ANKRD31: variants seen among roughly 807,000 people sequenced by gnomAD.
ANKRD31 encodes the protein ankyrin repeat domain-containing protein 31.
ANKRD31 carries 147 observed loss-of-function variants against 186.0 expected under a neutral mutation model. The ratio of observed to expected loss-of-function variants is 0.79; its 90% CI spans 0.69 to 0.91. The LOEUF is 0.91. Among genes scored for constraint, ANKRD31 ranks in the 40% least tolerant of loss-of-function variants. The pLI is 0.00. For synonymous variants in ANKRD31, 673 were observed against 736.4 expected (o/e 0.91, Z 1.39); for missense variants, 1,986 against 2,148.8 (o/e 0.92, Z 1.50).
At chr5:75,092,338 T>C (rs1478626533) in intron 22 of ANKRD31, among the ~76,000 whole-genome samples, 3 of 152,198 alleles carry the variant, frequency 2.0e-5, no homozygotes, top group Non-Finnish European at 4.4e-5. Context: ...AGGTTCATAA[T>C]AAACTTCAAA....
Position 75,112,499 on chromosome 5 carries a change from G to A in ANKRD31, c.4243+14C>T, listed in dbSNP as rs536780678. 7.0e-6 allele frequency: 10 copies of A among 1,423,310 alleles called. No individual in the cohort carries two copies. In the East Asian group the frequency reaches 1.5e-4, roughly 21 times the overall value. 88.2% of individuals were successfully genotyped at this position (1,423,310 alleles called of 1,614,324 possible). On this transcript the variant is annotated intron_variant, in intron 20 of 25. Transcript: ENST00000506364. ...ATCTGAAAATATCATACTTGAGTAT[G>A]AGTCTATATTTACCTGCATCTTCAG...
At chr5:75,130,868 A>G (rs6894021) in intron 17 of ANKRD31, among the ~76,000 whole-genome samples, 151,790 of 152,342 alleles carry the variant, frequency 1, 75,627 homozygotes, top group Middle Eastern at 1. Context: ...ACTGGCACTC[A>G]CCACGGGACT....
chr5:75,186,597 T>C (rs1411587277), intron 10 of ANKRD31, among the ~76,000 whole-genome samples: 2 of 152,198 alleles, frequency 1.3e-5, no homozygotes, highest in African/African-American at 2.4e-5. Flanking sequence ...TCAGAGGTTT[T>C]TGGCAAAAAT....
chr5:75,186,156 A>G (rs1194398388), intron 10 of ANKRD31, among the ~76,000 whole-genome samples: 38 of 152,232 alleles, frequency 2.5e-4, no homozygotes, highest in Admixed American at 2.5e-3. Context: ...TAAAGATGGA[A>G]CACATTCTAC....
chr5:75,123,936 T>C (rs755232600), intron 17 of ANKRD31, among the ~76,000 whole-genome samples: 4 of 151,916 alleles, frequency 2.6e-5, no homozygotes, highest in Non-Finnish European at 5.9e-5. Flanking sequence ...TATGAAACTA[T>C]ATTAAACTAA....
chr5:75,223,975 A>C (rs986873510), intron 2 of ANKRD31, among the ~76,000 whole-genome samples: 1 of 151,864 alleles, frequency 6.6e-6, no homozygotes, highest in African/African-American at 2.4e-5. Flanking sequence ...ATCTGCCAGC[A>C]CCTTGATTTT....
chr5:75,077,931 C>CAA lies in ANKRD31; in HGVS notation c.5647+2635_5647+2636dup, dbSNP rs56910458. Among the ~76,000 whole-genome samples, 380 of 66,276 alleles carry CAA rather than the reference C, an allele frequency of 5.7e-3. 3 individuals carry two copies. Among genetic ancestry groups the CAA allele is most frequent in the Middle Eastern group, 8.5e-3 (1 of 118 alleles). The allele number at this position is 66,276 out of a possible 152,430, so 43.5% of individuals were successfully genotyped here. A position where few individuals can be genotyped will look rare whatever the true frequency, so the allele number is the denominator to read the frequency against. ...TGGGCGAAAGAGCGAGACTCCGTCT[C>CAA]AAAAAAAAAAAAAAAAAAAAAAAAA... On this transcript the variant is annotated intron_variant, in intron 25 of 25. Transcript: ENST00000506364.
intron 4 of ANKRD31, among the ~76,000 whole-genome samples, chr5:75,208,122 A>C (rs1393979736): frequency 6.6e-6 from 1 of 152,140 alleles, no homozygotes; most frequent in Non-Finnish European, 1.5e-5. Flanking sequence ...TAATCTCTTT[A>C]ATGTGTGGCT....
rs1375280850 is a variant in ANKRD31, at chr5:75,154,224, T to G, written c.1829A>C (p.Lys610Thr). The G allele has an allele frequency of 2.2e-5, 34 of 1,525,906 alleles. No homozygotes were observed. The highest frequency in any genetic ancestry group is 3.0e-5 in the Non-Finnish European group (34 of 1,141,048). The allele number at this position is 1,525,906 out of a possible 1,614,324, so 94.5% of individuals were successfully genotyped here. A position where few individuals can be genotyped will look rare whatever the true frequency, so the allele number is the denominator to read the frequency against. ...ACCTGATGTAAGGCATTTTTGATGT[T>G]TAGGGATATATCTCTCAAGGAGACG... The part of the protein sequence containing the change: ...MKRLLERYIP[K>T]HQKCLTSAQR... Residue 610 changes from lysine to threonine, a missense_variant, in exon 12 of 26, where the codon AAA becomes ACA. By Grantham distance (78) the Lys-to-Thr change is moderately conservative. Transcript: ENST00000506364.
intron 22 of ANKRD31, among the ~76,000 whole-genome samples, chr5:75,100,779 G>T (rs541807850): frequency 6.6e-6 from 1 of 152,210 alleles, no homozygotes; most frequent in South Asian, 2.1e-4. Context: ...TTACTTGGTA[G>T]ATCTTCCTCC....
intron 5 of ANKRD31, among the ~76,000 whole-genome samples, chr5:75,200,495 AC>A (rs1755753303): frequency 6.6e-6 from 1 of 151,064 alleles, no homozygotes; most frequent in Non-Finnish European, 1.5e-5. Flanking sequence ...GCAGGGTTTC[AC>A]CATGTTGGCC....
chr5:75,111,111 GA>G lies in ANKRD31; in HGVS notation c.4243+1401del, dbSNP rs201531212. ...ATTAAACACTAAGAATGAAGACTAT[GA>G]AAAAAATGCAAAATTACCATATATA... On this transcript the variant is annotated intron_variant, in intron 20 of 25. Coordinates refer to ENST00000506364, the MANE Select transcript of ANKRD31 (RefSeq NM_001372053.1). 2.4e-3 allele frequency among the ~76,000 whole-genome samples: 364 copies of G among 150,692 alleles called. 8 individuals carry two copies. The East Asian group carries it at 0.062, about 26-fold the overall frequency.
At chr5:75,177,211 C>T (rs1289184014) in intron 10 of ANKRD31, among the ~76,000 whole-genome samples, 2 of 152,110 alleles carry the variant, frequency 1.3e-5, no homozygotes, top group Admixed American at 6.6e-5. Context: ...TGAACAAAGC[C>T]TCCAAGAAAT....
intron 10 of ANKRD31, among the ~76,000 whole-genome samples, chr5:75,170,197 C>G (rs1321393581): frequency 2.6e-5 from 4 of 151,916 alleles, no homozygotes; most frequent in Non-Finnish European, 5.9e-5. Flanking sequence ...AATAAATGGA[C>G]TATATGTATT....
At chr5:75,216,996 G>A (rs535462694) in intron 3 of ANKRD31, among the ~76,000 whole-genome samples, 1 of 152,200 alleles carries the variant, frequency 6.6e-6, no homozygotes, top group Admixed American at 6.5e-5. Flanking sequence ...AAGTCATTCA[G>A]GAGAAAGTTG....
At chr5:75,089,785 G>T (rs1435528182) in intron 23 of ANKRD31, among the ~76,000 whole-genome samples, 1 of 152,134 alleles carries the variant, frequency 6.6e-6, no homozygotes, top group Admixed American at 6.5e-5. Flanking sequence ...GCCCACATTT[G>T]CATGTGGCTT....
intron 3 of ANKRD31, among the ~76,000 whole-genome samples, chr5:75,212,047 T>C (rs756241322): frequency 6.6e-6 from 1 of 152,202 alleles, no homozygotes; most frequent in African/African-American, 2.4e-5. Context: ...TAAGAAATCA[T>C]TGCCAGATCC....
At chr5:75,179,905 A>C (rs1473550086) in intron 10 of ANKRD31, among the ~76,000 whole-genome samples, 2 of 152,196 alleles carry the variant, frequency 1.3e-5, no homozygotes, top group African/African-American at 4.8e-5. Context: ...GGAGAAGGAA[A>C]TAAAGGGCAT....
intron 23 of ANKRD31, among the ~76,000 whole-genome samples, chr5:75,084,784 A>T (rs762948328): frequency 6.6e-6 from 1 of 152,228 alleles, no homozygotes; most frequent in Non-Finnish European, 1.5e-5. Flanking sequence ...TTAATGTTAC[A>T]TTAATAAAAT....
Sources: gnomAD v4.1 joint callset for allele counts (sites outside exome capture counted in the v4.1 genomes callset) on GRCh38, gnomAD v4.1.1 for gene constraint, MANE v1.5 for transcripts, NCBI Gene and HGNC (gene_info 2026-07-23, HGNC 2026-07-21) for gene names.